The following ZNF2 variants were observed in gnomAD, a reference collection of about 807,000 sequenced individuals.
The protein encoded by ZNF2 is zinc finger protein 2, also known as zinc finger protein 2.2.
ZNF2 carries 12 observed loss-of-function variants against 21.9 expected under a neutral mutation model. That is an observed-to-expected ratio of 0.55 (90% confidence interval 0.35 to 0.89). ZNF2 has a LOEUF of 0.89. ZNF2 is among the 40% of genes least tolerant of loss of function. The pLI, the probability that ZNF2 is intolerant of heterozygous loss-of-function variation, is 0.01. For synonymous variants in ZNF2, 186 were observed against 196.3 expected (o/e 0.95, Z 0.44); for missense variants, 462 against 544.2 (o/e 0.85, Z 1.50).
At position 95,167,191 on chromosome 2, in the gene ZNF2, C is replaced by T. The variant is rs138366839; in HGVS notation, c.-40+1331C>T. Among the ~76,000 whole-genome samples, 605 of 152,230 alleles carry T rather than the reference C, an allele frequency of 4.0e-3. 27 individuals carry two copies. The highest frequency in any genetic ancestry group is 0.035 in the Admixed American group (540 of 15,294). ...TTGAATAAGCAGAAGCTTGTCCGAACAGTGAAAAGCTACAGAGAAATAGAT... is the reference window on the plus strand; with the variant it reads ...TTGAATAAGCAGAAGCTTGTCCGAATAGTGAAAAGCTACAGAGAAATAGAT... On this transcript the variant is annotated intron_variant, in intron 1 of 4. Transcript: ENST00000614034.
intron 1 of ZNF2, among the ~76,000 whole-genome samples, chr2:95,169,223 T>G (rs1253100842): frequency 6.6e-6 from 1 of 152,204 alleles, no homozygotes; most frequent in Non-Finnish European, 1.5e-5. Flanking sequence ...GTTTAATAAC[T>G]GGGGAGCTTA....
intron 2 of ZNF2, 78 bp downstream of exon 2, chr2:95,176,337 C>T (rs1674444358): frequency 1.9e-6 from 3 of 1,578,914 alleles, no homozygotes; most frequent in Middle Eastern, 1.7e-4. Flanking sequence ...TATCCTGGAG[C>T]CTCTTTGAGC....
chr2:95,172,638 G>GT lies in ZNF2; in HGVS notation c.-39-3533dup, dbSNP rs779777588. Among the ~76,000 whole-genome samples, 356 of 137,194 alleles carry GT rather than the reference G, an allele frequency of 2.6e-3. 2 individuals are homozygous for GT. The highest frequency in any genetic ancestry group is 0.015 in the Middle Eastern group (4 of 270). The allele number at this position is 137,194 out of a possible 152,430, so 90.0% of individuals were successfully genotyped here. A position where few individuals can be genotyped will look rare whatever the true frequency, so the allele number is the denominator to read the frequency against. ...TTCAAGTGTTTTGAATTTCTTTGTG[G>GT]TTTTTTTTTTTTTTTTTAGATGGAG... On this transcript the variant is annotated intron_variant, in intron 1 of 4. Coordinates refer to ENST00000614034, the MANE Select transcript of ZNF2 (RefSeq NM_021088.4).
At chr2:95,171,709 T>C (rs1304094262) in intron 1 of ZNF2, among the ~76,000 whole-genome samples, 2 of 152,216 alleles carry the variant, frequency 1.3e-5, no homozygotes, top group Non-Finnish European at 2.9e-5. Context: ...TGACAGCAGT[T>C]TCCAACATTT....
At chr2:95,171,186 T>C (rs990515303) in intron 1 of ZNF2, among the ~76,000 whole-genome samples, 2 of 152,158 alleles carry the variant, frequency 1.3e-5, no homozygotes, top group Non-Finnish European at 2.9e-5. Flanking sequence ...GTTTTCTTAT[T>C]CAAAGATGTG....
At position 95,183,086 on chromosome 2, in the gene ZNF2, C is replaced by G. The variant is rs2104513242; in HGVS notation, c.*980C>G. On this transcript the variant is annotated 3_prime_UTR_variant, in exon 5 of 5. Transcript: ENST00000614034. ...CATCCCCAGCTCCCACTCCTGGCAG[C>G]AGTAGCTTTCTAATTCCAGTTCTTC... The G allele has an allele frequency of 6.6e-6, 1 of 152,374 alleles. No individual in the cohort carries two copies. Among genetic ancestry groups the G allele is most frequent in the Non-Finnish European group, 1.5e-5 (1 of 68,058 alleles). The allele number at this position is 152,374 out of a possible 1,614,324, so 9.4% of individuals were successfully genotyped here.
intron 1 of ZNF2, among the ~76,000 whole-genome samples, chr2:95,174,515 T>C (rs1174261347): frequency 1.3e-5 from 2 of 152,228 alleles, no homozygotes; most frequent in African/African-American, 4.8e-5. Context: ...ATCCTTTCCA[T>C]GTAAAGACCT....
chr2:95,171,547 T>C (rs907409788), intron 1 of ZNF2, among the ~76,000 whole-genome samples: 1 of 152,018 alleles, frequency 6.6e-6, no homozygotes, highest in African/African-American at 2.4e-5. Flanking sequence ...GGTGCCTGGC[T>C]AATTTTTGTA....
Position 95,182,210 on chromosome 2 carries a change from G to T in ZNF2, c.*104G>T, listed in dbSNP as rs563535993. ...GCTCATTCTACCCACTCTGGCTGCC[G>T]TTGTCCTGTCCTGCTTCTGCGCCAG... is the stretch of plus-strand genomic sequence containing the variant. On this transcript the variant is annotated 3_prime_UTR_variant, in exon 5 of 5. Transcript: ENST00000614034. 4.6e-5 allele frequency: 65 copies of T among 1,419,850 alleles called. No individual in the cohort carries two copies. Among genetic ancestry groups the T allele is most frequent in the Middle Eastern group, 2.5e-4 (1 of 3,930 alleles). 88.0% of individuals were successfully genotyped at this position (1,419,850 alleles called of 1,614,324 possible). A position where few individuals can be genotyped will look rare whatever the true frequency, so the allele number is the denominator to read the frequency against.
intron 1 of ZNF2, among the ~76,000 whole-genome samples, chr2:95,173,330 A>T (rs1674345200): frequency 6.6e-6 from 1 of 152,152 alleles, no homozygotes; most frequent in Non-Finnish European, 1.5e-5. Context: ...ATGGACATTG[A>T]AGTTGTTTGC....
intron 1 of ZNF2, among the ~76,000 whole-genome samples, chr2:95,172,965 A>AT (rs58424759): frequency 1.2e-3 from 172 of 139,006 alleles, no homozygotes; most frequent in South Asian, 3.0e-3. Flanking sequence ...TCAGTTGTTG[A>AT]TTTTTTTTTT....
intron 1 of ZNF2, among the ~76,000 whole-genome samples, chr2:95,171,972 C>T (rs1674288150): frequency 6.6e-6 from 1 of 152,152 alleles, no homozygotes; most frequent in Non-Finnish European, 1.5e-5. Flanking sequence ...GGATAGGCAG[C>T]CAGATCATAA....
At chr2:95,175,646 C>A (rs1674414967) in intron 1 of ZNF2, among the ~76,000 whole-genome samples, 1 of 152,168 alleles carries the variant, frequency 6.6e-6, no homozygotes, top group African/African-American at 2.4e-5. Flanking sequence ...GATCACATCT[C>A]AATCTACTAG....
intron 1 of ZNF2, among the ~76,000 whole-genome samples, chr2:95,166,098 G>A (rs1268121321): frequency 3.9e-5 from 6 of 152,010 alleles, no homozygotes; most frequent in African/African-American, 1.2e-4. Context: ...GGACTTTAAG[G>A]TTGGAGGTTT....
intron 1 of ZNF2, among the ~76,000 whole-genome samples, chr2:95,166,872 T>G (rs1674064423): frequency 6.6e-6 from 1 of 152,140 alleles, no homozygotes; most frequent in Non-Finnish European, 1.5e-5. Flanking sequence ...AACGCCTGAT[T>G]TAAGGTTTGC....
chr2:95,174,633 T>C (rs531012604), intron 1 of ZNF2, among the ~76,000 whole-genome samples: 1 of 152,342 alleles, frequency 6.6e-6, no homozygotes, highest in African/African-American at 2.4e-5. Flanking sequence ...TCAAGAAAGC[T>C]GCAGAGTTCC....
chr2:95,174,186 G>A (rs1674368183), intron 1 of ZNF2, among the ~76,000 whole-genome samples: 1 of 152,232 alleles, frequency 6.6e-6, no homozygotes, highest in Admixed American at 6.5e-5. Context: ...ATAAGGGTTA[G>A]TGTTAATGAT....
At chr2:95,170,003 C>T (rs1380781809) in intron 1 of ZNF2, among the ~76,000 whole-genome samples, 1 of 152,070 alleles carries the variant, frequency 6.6e-6, no homozygotes, top group Non-Finnish European at 1.5e-5. Flanking sequence ...GAGGTAGCAC[C>T]GGTAGGAAGA....
chr2:95,167,044 C>T (rs1674079394), intron 1 of ZNF2, among the ~76,000 whole-genome samples: 1 of 152,162 alleles, frequency 6.6e-6, no homozygotes, highest in Admixed American at 6.5e-5. Flanking sequence ...AGTACAAAGA[C>T]TGAGCTATGG....
Sources: allele counts gnomAD v4.1 joint callset (sites outside exome capture counted in the v4.1 genomes callset), GRCh38; gene constraint gnomAD v4.1.1; transcripts MANE v1.5; gene names NCBI Gene and HGNC (gene_info 2026-07-23, HGNC 2026-07-21).